Variants in TBC1D19 observed in about 807,000 individuals in gnomAD.
The protein encoded by TBC1D19 is TBC1 domain family, member 19.
TBC1D19 carries 60 observed loss-of-function variants against 89.0 expected under a neutral mutation model. The ratio of observed to expected loss-of-function variants is 0.67; its 90% CI spans 0.55 to 0.84. TBC1D19 has a LOEUF of 0.84. Ranked by LOEUF, TBC1D19 falls within the 40% of genes least tolerant of loss-of-function variation. The pLI, the probability that TBC1D19 is intolerant of heterozygous loss-of-function variation, is 0.00. For synonymous variants in TBC1D19, 189 were observed against 199.7 expected, an observed-to-expected ratio of 0.95 and a Z score of 0.45; for missense variants, 500 against 610.8, an observed-to-expected ratio of 0.82 and a Z score of 1.91.
At chr4:26,595,672 C>G (rs558499456) in intron 1 of TBC1D19, among the ~76,000 whole-genome samples, 6 of 152,102 alleles carry the variant, frequency 3.9e-5, no homozygotes, top group African/African-American at 1.4e-4. Context: ...TTCCTCCCCC[C>G]TCCTTTGCAT....
At chr4:26,603,974 T>A (rs563111263) in intron 1 of TBC1D19, among the ~76,000 whole-genome samples, 1 of 152,152 alleles carries the variant, frequency 6.6e-6, no homozygotes, top group Non-Finnish European at 1.5e-5. Context: ...ATTCTCCCCC[T>A]CTTCAACCTG....
intron 1 of TBC1D19, among the ~76,000 whole-genome samples, chr4:26,587,800 A>C (rs941524711): frequency 2.6e-4 from 40 of 151,878 alleles, no homozygotes; most frequent in African/African-American, 9.6e-4. Flanking sequence ...ACACATTTTT[A>C]ATTAAAAAAA....
rs1260220896 is a variant in TBC1D19, at chr4:26,620,708, CATTTT to C, written c.294+26_294+30del. On this transcript the variant is annotated intron_variant, in intron 4 of 20. Transcript: ENST00000264866. ...GCACAGGTTGGCTATTGTTCAATTT[CATTTT>C]ATTTTTTCATGCCAAGTTATGTAAT... The C allele has an allele frequency of 1.9e-6, 3 of 1,608,696 alleles. No homozygotes were observed. The highest frequency in any genetic ancestry group is 2.5e-6 in the Non-Finnish European group (3 of 1,176,618).
At chr4:26,640,465 C>T (rs571467285) in intron 7 of TBC1D19, among the ~76,000 whole-genome samples, 1 of 151,824 alleles carries the variant, frequency 6.6e-6, no homozygotes, top group East Asian at 1.9e-4. Context: ...CGAACAGGCC[C>T]AGTCTGCAGC....
intron 9 of TBC1D19, among the ~76,000 whole-genome samples, chr4:26,670,333 A>G (rs1298466674): frequency 6.6e-6 from 1 of 151,532 alleles, no homozygotes; most frequent in African/African-American, 2.4e-5. Flanking sequence ...TAGGACTACA[A>G]TAAACTAAAA....
At chr4:26,843,085 A>G in the TBC1D19 span, among the ~76,000 whole-genome samples, 2 of 152,208 alleles carry the variant, frequency 1.3e-5, no homozygotes, top group Non-Finnish European at 2.9e-5. Flanking sequence ...ATTTCTGAGC[A>G]CAGGCTTGTC....
chr4:26,604,127 A>G (rs1270471208), intron 1 of TBC1D19, among the ~76,000 whole-genome samples: 1 of 149,458 alleles, frequency 6.7e-6, no homozygotes, highest in Non-Finnish European at 1.5e-5. Flanking sequence ...ATGTTGTAAC[A>G]TGTGTCAGAA....
intron 15 of TBC1D19, among the ~76,000 whole-genome samples, chr4:26,724,979 A>G (rs1381687970): frequency 2.6e-5 from 4 of 152,206 alleles, no homozygotes; most frequent in Non-Finnish European, 5.9e-5. Flanking sequence ...TTGGCAGGCC[A>G]TGTCAGTCCT....
At chr4:26,761,498 C>T in the TBC1D19 span, among the ~76,000 whole-genome samples, 49 of 152,174 alleles carry the variant, frequency 3.2e-4, 1 homozygote, top group South Asian at 1.9e-3. Context: ...ATTTCAATTT[C>T]CAATCTTTTG....
rs371263480 is a variant in TBC1D19, at chr4:26,608,165, T to G, written c.100-5004T>G. Among the ~76,000 whole-genome samples the G allele has an allele frequency of 5.3e-5, 8 of 152,214 alleles. No homozygotes were observed. The East Asian group carries it at 1.5e-3, about 29-fold the overall frequency. ...CAAAATAAAAATTTCCAAGTCTGCTTCTTTCAATTTCCTACATCATTTTAA... is the reference window on the plus strand; with the variant it reads ...CAAAATAAAAATTTCCAAGTCTGCTGCTTTCAATTTCCTACATCATTTTAA... On this transcript the variant is annotated intron_variant, in intron 1 of 20. Coordinates refer to ENST00000264866, the MANE Select transcript of TBC1D19 (RefSeq NM_018317.4).
At chr4:26,756,781 A>G (rs949796171), downstream of TBC1D19, among the ~76,000 whole-genome samples, 1 of 152,220 alleles carries the variant, frequency 6.6e-6, no homozygotes, top group African/African-American at 2.4e-5. Context: ...TAGCATTTCT[A>G]TCATTTAACC....
chr4:26,858,391 A>AG, the TBC1D19 span: 1 of 142,918 alleles, frequency 7.0e-6, no homozygotes, highest in Admixed American at 7.1e-5. Flanking sequence ...TTTGAATGGG[A>AG]TTTGGCGACA....
chr4:26,656,993 C>CTTCTTCTTCTTCTTCTT lies in TBC1D19; in HGVS notation c.481-2604_481-2603insTTCTTCTTCTTCTTCTT, dbSNP rs1491448641. Among the ~76,000 whole-genome samples, 29 of 33,228 alleles carry CTTCTTCTTCTTCTTCTT rather than the reference C, an allele frequency of 8.7e-4. 1 individual carries two copies. Among genetic ancestry groups the CTTCTTCTTCTTCTTCTT allele is most frequent in the African/African-American group, 2.6e-3 (20 of 7,826 alleles). The allele number at this position is 33,228 out of a possible 152,430, so 21.8% of individuals were successfully genotyped here. ...TTCTTCTTCTTCTTCTTCTTCTTCT[C>CTTCTTCTTCTTCTTCTT]CTTCTCCTTCTCCTTCTCCTTCTCC... On this transcript the variant is annotated intron_variant, in intron 7 of 20. Transcript: ENST00000264866.
chr4:26,783,063 A>G, the TBC1D19 span, among the ~76,000 whole-genome samples: 3 of 152,172 alleles, frequency 2.0e-5, no homozygotes, highest in African/African-American at 7.2e-5. Context: ...ACAAAAGACA[A>G]CTCAAATCAG....
At chr4:26,641,436 A>G (rs1322752123) in intron 7 of TBC1D19, among the ~76,000 whole-genome samples, 1 of 152,246 alleles carries the variant, frequency 6.6e-6, no homozygotes, top group African/African-American at 2.4e-5. Flanking sequence ...CCATCATCAA[A>G]GACCAAAGGT....
chr4:26,765,342 T>C, the TBC1D19 span, among the ~76,000 whole-genome samples: 2 of 151,712 alleles, frequency 1.3e-5, no homozygotes, highest in Non-Finnish European at 2.9e-5. Flanking sequence ...CCCCAAGATA[T>C]AGCCTGCTTT....
intron 13 of TBC1D19, among the ~76,000 whole-genome samples, chr4:26,697,649 A>G (rs1714926148): frequency 6.6e-6 from 1 of 152,190 alleles, no homozygotes; most frequent in Admixed American, 6.6e-5. Context: ...AGCACATCAA[A>G]AAGTTTATCC....
the TBC1D19 span, among the ~76,000 whole-genome samples, chr4:26,807,573 T>C: frequency 3.3e-5 from 5 of 152,172 alleles, no homozygotes; most frequent in African/African-American, 1.2e-4. Context: ...GACCAAAATA[T>C]ATTTCCTACT....
chr4:26,823,248 G>T, the TBC1D19 span, among the ~76,000 whole-genome samples: 1 of 152,102 alleles, frequency 6.6e-6, no homozygotes, highest in Non-Finnish European at 1.5e-5. Flanking sequence ...TGCAAGAACA[G>T]CGGGAAAGAC....
Sources: allele counts gnomAD v4.1 joint callset (sites outside exome capture counted in the v4.1 genomes callset), GRCh38; gene constraint gnomAD v4.1.1; transcripts MANE v1.5; gene names NCBI Gene and HGNC (gene_info 2026-07-23, HGNC 2026-07-21).